The following GPC6 variants were observed in gnomAD, a reference collection of about 807,000 sequenced individuals.
GPC6 encodes the protein glypican 6.
A neutral mutation model predicts 55.2 loss-of-function variants in GPC6; 14 were observed. That is an observed-to-expected ratio of 0.25 (90% CI 0.17 to 0.40). GPC6 has a LOEUF of 0.40. GPC6 is among the 10% of genes least tolerant of loss of function. The pLI, the probability that GPC6 is intolerant of heterozygous loss-of-function variation, is 1.00. For missense variants in GPC6, 641 were observed against 708.5 expected (o/e 0.90, Z 1.08); for synonymous variants, 278 against 259.6 (o/e 1.07, Z -0.68).
chr13:94,196,548 G>C (rs1294360684), intron 4 of GPC6, among the ~76,000 whole-genome samples: 1 of 152,124 alleles, frequency 6.6e-6, no homozygotes, highest in Non-Finnish European at 1.5e-5. Context: ...TACCTTCAAG[G>C]CTGTGTCTTG....
chr13:93,627,165 C>G (rs1436179826), intron 2 of GPC6, among the ~76,000 whole-genome samples: 1 of 152,180 alleles, frequency 6.6e-6, no homozygotes, highest in Middle Eastern at 3.4e-3. Context: ...GCCCCCACCC[C>G]CCAATAGGCC....
At chr13:94,297,884 A>G (rs1875429929) in intron 5 of GPC6, among the ~76,000 whole-genome samples, 1 of 152,156 alleles carries the variant, frequency 6.6e-6, no homozygotes, top group Non-Finnish European at 1.5e-5. Flanking sequence ...ATCTTTAAGG[A>G]AAGAAACGCA....
In GPC6 at chr13:94,204,281, A is replaced by C. The variant is rs188266349; in HGVS notation, c.878-82068A>C. Reference sequence around the variant, plus strand: ...TTTAAACCAAAAACAAGTGTGGATAAAAATGTACCTAATCCTCCAGAGAAT... The same window carrying C: ...TTTAAACCAAAAACAAGTGTGGATACAAATGTACCTAATCCTCCAGAGAAT... On this transcript the variant is annotated intron_variant, in intron 4 of 8. Transcript: ENST00000377047. Among the ~76,000 whole-genome samples the C allele has an allele frequency of 2.0e-5, 3 of 152,286 alleles. No homozygotes were observed. In the East Asian group the frequency reaches 5.8e-4, roughly 29 times the overall value.
intron 4 of GPC6, among the ~76,000 whole-genome samples, chr13:94,185,659 A>T (rs760298710): frequency 6.6e-6 from 1 of 152,150 alleles, no homozygotes; most frequent in Non-Finnish European, 1.5e-5. Flanking sequence ...GATGCAGTCT[A>T]TGAGGAGGTC....
At chr13:93,914,839 T>C (rs1223510374) in intron 3 of GPC6, among the ~76,000 whole-genome samples, 1 of 152,202 alleles carries the variant, frequency 6.6e-6, no homozygotes, top group African/African-American at 2.4e-5. Context: ...TGTAACTCAG[T>C]AGAGAAAGTC....
Position 93,513,884 on chromosome 13 carries a change from T to C in GPC6, c.161-31379T>C, listed in dbSNP as rs943820309. On this transcript the variant is annotated intron_variant, in intron 1 of 8. Coordinates refer to ENST00000377047, the MANE Select transcript of GPC6 (RefSeq NM_005708.5). ...CCTTTGCTGAATGATGGCTTTTTTT[T>C]TTTTTTTTTTCGGTGTTTCACTCTC... Among the ~76,000 whole-genome samples the C allele has an allele frequency of 2.7e-5, 4 of 146,998 alleles. 1 individual carries two copies. The highest frequency in any genetic ancestry group is 6.0e-5 in the Non-Finnish European group (4 of 66,518).
chr13:93,251,944 C>G (rs1360829651), intron 1 of GPC6, among the ~76,000 whole-genome samples: 1 of 152,150 alleles, frequency 6.6e-6, no homozygotes, highest in Non-Finnish European at 1.5e-5. Context: ...TGAAACATCT[C>G]TCTCATCTCA....
intron 1 of GPC6, among the ~76,000 whole-genome samples, chr13:93,290,002 A>G (rs964252182): frequency 6.6e-6 from 1 of 152,178 alleles, no homozygotes; most frequent in Non-Finnish European, 1.5e-5. Flanking sequence ...TTAGCAAGAA[A>G]CTGAATATGG....
At chr13:93,653,199 C>T (rs958076624) in intron 2 of GPC6, among the ~76,000 whole-genome samples, 5 of 152,134 alleles carry the variant, frequency 3.3e-5, no homozygotes, top group Non-Finnish European at 5.9e-5. Flanking sequence ...CCACTGGCTT[C>T]CCTGAAAGTA....
intron 6 of GPC6, among the ~76,000 whole-genome samples, chr13:94,314,125 G>A (rs190648189): frequency 2.7e-4 from 41 of 152,302 alleles, no homozygotes; most frequent in African/African-American, 7.5e-4. Context: ...TAGAAAAGCC[G>A]TTACTTTCCA....
chr13:93,711,658 C>G (rs1883072536), intron 2 of GPC6, among the ~76,000 whole-genome samples: 1 of 151,192 alleles, frequency 6.6e-6, no homozygotes, highest in Non-Finnish European at 1.5e-5. Context: ...ACCTTTTATT[C>G]TAGCCACCAG....
At chr13:93,865,382 C>T (rs1485591012) in intron 3 of GPC6, among the ~76,000 whole-genome samples, 1 of 151,758 alleles carries the variant, frequency 6.6e-6, no homozygotes, top group Non-Finnish European at 1.5e-5. Context: ...CCAGGCCCAA[C>T]ATGCCAATAA....
chr13:93,654,905 A>G (rs928400941), intron 2 of GPC6, among the ~76,000 whole-genome samples: 9 of 145,662 alleles, frequency 6.2e-5, no homozygotes, highest in African/African-American at 2.0e-4. Flanking sequence ...GGCGCGATCT[A>G]GGCTCACTGC....
At chr13:94,216,226 G>A (rs1412214965) in intron 4 of GPC6, among the ~76,000 whole-genome samples, 1 of 152,108 alleles carries the variant, frequency 6.6e-6, no homozygotes, top group African/African-American at 2.4e-5. Context: ...TAAGGTATCA[G>A]GTAAGAATAA....
intron 2 of GPC6, among the ~76,000 whole-genome samples, chr13:93,621,658 A>G (rs1878956303): frequency 6.6e-6 from 1 of 152,166 alleles, no homozygotes; most frequent in South Asian, 2.1e-4. Context: ...GGGAGAAGTA[A>G]ATACTTTTAT....
chr13:93,515,254 G>A (rs540545638), intron 1 of GPC6, among the ~76,000 whole-genome samples: 2 of 152,176 alleles, frequency 1.3e-5, no homozygotes, highest in African/African-American at 4.8e-5. Context: ...GGAGTTTTCA[G>A]CCTCCAGAAC....
chr13:94,017,957 A>G (rs1882538005), intron 3 of GPC6, among the ~76,000 whole-genome samples: 1 of 152,012 alleles, frequency 6.6e-6, no homozygotes, highest in South Asian at 2.1e-4. Context: ...AATTTTCAAT[A>G]CAGTGTTAAA....
chr13:93,886,446 T>C (rs1875329197), intron 3 of GPC6, among the ~76,000 whole-genome samples: 1 of 151,946 alleles, frequency 6.6e-6, no homozygotes, highest in East Asian at 1.9e-4. Context: ...TGTTAAGTCT[T>C]GCAGCATAAA....
intron 2 of GPC6, among the ~76,000 whole-genome samples, chr13:93,690,434 A>AAT (rs1262554235): frequency 2.6e-5 from 4 of 151,798 alleles, no homozygotes; most frequent in Non-Finnish European, 4.4e-5. Flanking sequence ...AATGGGAAAA[A>AAT]ATATATATAT....
Sources: gnomAD v4.1 joint callset for allele counts (sites outside exome capture counted in the v4.1 genomes callset) on GRCh38, gnomAD v4.1.1 for gene constraint, MANE v1.5 for transcripts, NCBI Gene and HGNC (gene_info 2026-07-23, HGNC 2026-07-21) for gene names.